The following SHROOM3 variants were observed in gnomAD, a reference collection of about 807,000 sequenced individuals.
SHROOM3 encodes the protein shroom family member 3.
SHROOM3 carries 47 observed loss-of-function variants against 138.6 expected under a neutral mutation model. That is an observed-to-expected ratio of 0.34 (90% CI 0.27 to 0.43). The LOEUF (loss-of-function observed/expected upper bound fraction) is 0.43, where lower values mean the gene tolerates loss of function less well. Ranked by LOEUF, SHROOM3 falls within the 20% of genes least tolerant of loss-of-function variation. SHROOM3 has a pLI of 1.00. For synonymous variants in SHROOM3, 1,062 were observed against 1,063.3 expected (o/e 1.00, Z 0.02); for missense variants, 2,491 against 2,596.5 (o/e 0.96, Z 0.88).
At chr4:76,728,512 C>G (rs1238772140) in intron 3 of SHROOM3, among the ~76,000 whole-genome samples, 1 of 152,184 alleles carries the variant, frequency 6.6e-6, no homozygotes, top group South Asian at 2.1e-4. Context: ...TCCATTAGAC[C>G]TCTTTCTTTT....
intron 2 of SHROOM3, among the ~76,000 whole-genome samples, chr4:76,617,316 T>C (rs994370367): frequency 6.6e-6 from 1 of 152,254 alleles, no homozygotes; most frequent in African/African-American, 2.4e-5. Flanking sequence ...GTTGTTGTTA[T>C]AAGGCAGAAT....
At chr4:76,576,740 T>C (rs758368607) in intron 2 of SHROOM3, among the ~76,000 whole-genome samples, 32 of 152,194 alleles carry the variant, frequency 2.1e-4, no homozygotes, top group Non-Finnish European at 3.2e-4. Context: ...CATGCCTGTA[T>C]CAAAACATCT....
At position 76,740,590 on chromosome 4, in the gene SHROOM3, G is replaced by A; in HGVS notation, c.2417G>A (p.Gly806Asp). The change falls in exon 5 of 11, where the codon GGC becomes GAC. Residue 806 changes from glycine (G) to aspartate (D), a missense_variant. This residue lies in a region of SHROOM3 where 1,733 missense variants were observed against 1,661.6 expected (regional missense o/e 1.04). Coordinates refer to ENST00000296043, the MANE Select transcript of SHROOM3 (RefSeq NM_020859.4). The surrounding 1 kb of genome is among the most constrained non-coding windows in gnomAD (Gnocchi z 4.0). ...CCGAGTGTGGGCGGCTCTGGTTTTGGCCATAACTATAGGCCCCACAGGACC... is the reference window on the plus strand; with the variant it reads ...CCGAGTGTGGGCGGCTCTGGTTTTGACCATAACTATAGGCCCCACAGGACC... ...QRPSVGGSGF[G>D]HNYRPHRTVS... 6.2e-7 allele frequency: 1 copy of A among 1,614,138 alleles called. No individual in the cohort carries two copies. The highest frequency in any genetic ancestry group is 8.5e-7 in the Non-Finnish European group (1 of 1,180,034).
intron 5 of SHROOM3, among the ~76,000 whole-genome samples, chr4:76,745,686 T>A (rs1490135650): frequency 6.6e-6 from 1 of 152,310 alleles, no homozygotes; most frequent in East Asian, 1.9e-4. Flanking sequence ...TTTATAAGTA[T>A]AAAATTAGTC....
intron 1 of SHROOM3, among the ~76,000 whole-genome samples, chr4:76,504,514 T>G (rs1732169226): frequency 6.6e-6 from 1 of 152,154 alleles, no homozygotes; most frequent in South Asian, 2.1e-4. Context: ...AAAATCCACA[T>G]GAAACTTTTG....
At chr4:76,477,157 T>C (rs1731501929) in intron 1 of SHROOM3, among the ~76,000 whole-genome samples, 1 of 151,960 alleles carries the variant, frequency 6.6e-6, no homozygotes, top group South Asian at 2.1e-4. Context: ...TTAGTAGAGA[T>C]GGGGTTTCAC....
At chr4:76,461,020 T>TA (rs749591171) in intron 1 of SHROOM3, among the ~76,000 whole-genome samples, 48 of 141,658 alleles carry the variant, frequency 3.4e-4, no homozygotes, top group Admixed American at 3.5e-4. Context: ...AAAAAAAATT[T>TA]AAAAAAAAAA....
intron 9 of SHROOM3, among the ~76,000 whole-genome samples, chr4:76,770,124 A>G (rs533276596): frequency 6.6e-6 from 1 of 152,170 alleles, no homozygotes; most frequent in African/African-American, 2.4e-5. Context: ...GGAGTTCGAG[A>G]CCAGTCTGGC....
chr4:76,587,868 G>A (rs1003815610), intron 2 of SHROOM3, among the ~76,000 whole-genome samples: 14 of 152,110 alleles, frequency 9.2e-5, no homozygotes, highest in African/African-American at 3.4e-4. Flanking sequence ...TTGTTAAAGA[G>A]AAATGAACAT....
intron 1 of SHROOM3, among the ~76,000 whole-genome samples, chr4:76,513,820 G>T (rs548564673): frequency 3.5e-4 from 54 of 152,262 alleles, no homozygotes; most frequent in African/African-American, 1.2e-3. Context: ...TGGAAGACTT[G>T]GGACTTTGAT....
At chr4:76,594,272 A>G (rs894054513) in intron 2 of SHROOM3, among the ~76,000 whole-genome samples, 2 of 152,180 alleles carry the variant, frequency 1.3e-5, no homozygotes, top group East Asian at 3.9e-4. Context: ...ATTCAGAGGG[A>G]AAACTGATAT....
intron 1 of SHROOM3, among the ~76,000 whole-genome samples, chr4:76,526,620 G>A (rs1732695711): frequency 6.6e-6 from 1 of 152,160 alleles, no homozygotes; most frequent in South Asian, 2.1e-4. Context: ...TACACCACAT[G>A]GGACATAGCC....
intron 2 of SHROOM3, among the ~76,000 whole-genome samples, chr4:76,657,176 TCTCTCTCTCTCTCG>T (rs1198337815): frequency 6.6e-6 from 1 of 150,816 alleles, no homozygotes; most frequent in Non-Finnish European, 1.5e-5. Context: ...AAACTCTCTC[TCTCTCTCTCTCTCG>T]CTCTCTCTCT....
At chr4:76,600,621 A>G (rs554434530) in intron 2 of SHROOM3, among the ~76,000 whole-genome samples, 33 of 152,324 alleles carry the variant, frequency 2.2e-4, no homozygotes, top group Admixed American at 1.8e-3. Context: ...AATGGTCTTG[A>G]TAAGAGACCG....
At chr4:76,591,911 G>T (rs917252755) in intron 2 of SHROOM3, among the ~76,000 whole-genome samples, 4 of 152,092 alleles carry the variant, frequency 2.6e-5, no homozygotes, top group Non-Finnish European at 5.9e-5. Flanking sequence ...AAAAATTCTG[G>T]CACACAGTCT....
chr4:76,487,867 C>T (rs1453576496), intron 1 of SHROOM3, among the ~76,000 whole-genome samples: 1 of 152,216 alleles, frequency 6.6e-6, no homozygotes, highest in Non-Finnish European at 1.5e-5. Context: ...CTCTTAGTTG[C>T]TTGCCATCCT....
At chr4:76,496,303 T>TCA (rs1731967206) in intron 1 of SHROOM3, among the ~76,000 whole-genome samples, 1 of 152,160 alleles carries the variant, frequency 6.6e-6, no homozygotes, top group Non-Finnish European at 1.5e-5. Flanking sequence ...TCCAAGGAAT[T>TCA]CACACTGCAC....
intron 2 of SHROOM3, among the ~76,000 whole-genome samples, chr4:76,638,485 G>A (rs1427457566): frequency 6.6e-6 from 1 of 152,154 alleles, no homozygotes; most frequent in Non-Finnish European, 1.5e-5. Context: ...GGAGTTCAAG[G>A]CTGTAGTAAG....
chr4:76,498,181 G>T (rs1389723930), intron 1 of SHROOM3, among the ~76,000 whole-genome samples: 1 of 152,178 alleles, frequency 6.6e-6, no homozygotes, highest in African/African-American at 2.4e-5. Flanking sequence ...GCTTTGGGCA[G>T]GTTTTTATTT....
Sources: allele counts gnomAD v4.1 joint callset (sites outside exome capture counted in the v4.1 genomes callset), GRCh38; gene constraint gnomAD v4.1.1; regional missense constraint gnomAD v4.1.1; non-coding constraint Gnocchi (gnomAD v3.1); transcripts MANE v1.5; gene names NCBI Gene and HGNC (gene_info 2026-07-23, HGNC 2026-07-21).